Variants in DLL4 observed in about 807,000 individuals in gnomAD.
DLL4 encodes delta-like protein 4.
Under a neutral mutation model 73.6 loss-of-function variants are expected in DLL4, and 7 were observed. The ratio of observed to expected loss-of-function variants is 0.10; its 90% CI spans 0.05 to 0.18. The LOEUF (loss-of-function observed/expected upper bound fraction) is 0.18. Ranked by LOEUF, DLL4 falls within the 10% of genes least tolerant of loss-of-function variation. The probability of loss-of-function intolerance (pLI) is 1.00; values close to 1 mark genes in which losing one functional copy is unlikely to be tolerated. For synonymous variants in DLL4, 345 were observed against 374.3 expected (o/e 0.92, Z 0.90); for missense variants, 614 against 929.9 (o/e 0.66, Z 4.42).
rs1205403213 is a variant in DLL4, at chr15:40,938,843, C to T, written c.*809C>T. 1 of 152,612 alleles carries T rather than the reference C, an allele frequency of 6.6e-6. No homozygotes were observed. Among genetic ancestry groups the T allele is most frequent in the Admixed American group, 6.5e-5 (1 of 15,288 alleles). 9.5% of individuals were successfully genotyped at this position (152,612 alleles called of 1,614,324 possible). A position where few individuals can be genotyped will look rare whatever the true frequency, so the allele number is the denominator to read the frequency against. ...CCCTTTCCTCCCTCAAGCCCATCTCCACAACCTCGAGCCTGGGCTCTGGTC... is the reference window on the plus strand; with the variant it reads ...CCCTTTCCTCCCTCAAGCCCATCTCTACAACCTCGAGCCTGGGCTCTGGTC... On this transcript the variant is annotated 3_prime_UTR_variant, in exon 11 of 11. Coordinates refer to ENST00000249749, the MANE Select transcript of DLL4 (RefSeq NM_019074.4).
At chr15:40,931,204 T>C (rs1892765295) in intron 3 of DLL4, 1 of 480,922 alleles carries the variant, frequency 2.1e-6, no homozygotes, top group Non-Finnish European at 3.7e-6. Context: ...CATTTTGACC[T>C]CTTTTCCTCT....
chr15:40,935,103 A>G lies in DLL4; in HGVS notation c.1226A>G (p.Asn409Ser). Residue 409 changes from asparagine (N) to serine (S), a missense_variant, in exon 8 of 11, where the codon AAC becomes AGC. Asn to Ser is a conservative substitution (Grantham distance 46, BLOSUM62 1). Around this residue, in one of 3 missense-constraint regions of DLL4, gnomAD observed 386 missense variants for 541.3 expected, o/e 0.71. Transcript: ENST00000249749. Reference protein sequence around the residue: ...CEKKVDRCTSNPCANGGQCLN... With the variant: ...CEKKVDRCTSSPCANGGQCLN... The stretch of plus-strand genomic sequence containing the variant: ...AAGAAAGTGGACAGGTGCACCAGCA[A>G]CCCCTGTGCCAACGGTGCGTGCTGC... 1 of 1,612,494 alleles carries G rather than the reference A, an allele frequency of 6.2e-7. No individual in the cohort carries two copies. Among genetic ancestry groups the G allele is most frequent in the South Asian group, 1.1e-5 (1 of 91,072 alleles).
intron 6 of DLL4, among the ~76,000 whole-genome samples, chr15:40,933,267 G>A (rs1269643934): frequency 8.0e-6 from 1 of 124,684 alleles, no homozygotes; most frequent in African/African-American, 2.9e-5. Flanking sequence ...CAGTCCCTGT[G>A]TTGTGTGTGT....
intron 6 of DLL4, among the ~76,000 whole-genome samples, chr15:40,932,910 C>T (rs746361503): frequency 2.0e-5 from 3 of 152,198 alleles, no homozygotes; most frequent in Non-Finnish European, 2.9e-5. Flanking sequence ...GGCCTCTGGG[C>T]GGAGTGGCAT....
chr15:40,938,262 G>C lies in DLL4; in HGVS notation c.*228G>C. 1 of 436,346 alleles carries C rather than the reference G, an allele frequency of 2.3e-6. No homozygotes were observed. Among genetic ancestry groups the C allele is most frequent in the Non-Finnish European group, 4.0e-6 (1 of 249,402 alleles). 27.0% of individuals were successfully genotyped at this position (436,346 alleles called of 1,614,324 possible). ...CAGATTGGCAGCTGCACCAACCAGA[G>C]GAACAGAAGAGAAGAGAGATGCCAC... On this transcript the variant is annotated 3_prime_UTR_variant, in exon 11 of 11. Coordinates refer to ENST00000249749, the MANE Select transcript of DLL4 (RefSeq NM_019074.4).
rs1248890109 is a variant in DLL4, at chr15:40,934,971, G to A, written c.1094G>A (p.Ser365Asn). The change falls in exon 8 of 11, where the codon AGC becomes AAC. Residue 365 changes from serine to asparagine, a missense_variant. Ser to Asn is a conservative substitution (Grantham distance 46, BLOSUM62 1). Transcript: ENST00000249749. Reference sequence around the variant, plus strand: ...CTGCATTGTGAACACAGCACCTTGAGCTGCGCCGACTCCCCCTGCTTCAAT... The same window carrying A: ...CTGCATTGTGAACACAGCACCTTGAACTGCGCCGACTCCCCCTGCTTCAAT... ...YGLHCEHSTL[S>N]CADSPCFNGG... The A allele has an allele frequency of 1.2e-6, 2 of 1,613,716 alleles. No individual in the cohort carries two copies. Among genetic ancestry groups the A allele is most frequent in the Admixed American group, 1.7e-5 (1 of 60,030 alleles).
At chr15:40,937,343 T>C in intron 9 of DLL4, 75 bp from the exon 10 acceptor site, 3 of 1,029,762 alleles carry the variant, frequency 2.9e-6, no homozygotes, top group Non-Finnish European at 4.6e-6. Context: ...AGATGCCCTT[T>C]GGCTCTCCAG....
Position 40,937,521 on chromosome 15 carries a change from A to G in DLL4, c.2047A>G (p.Thr683Ala). The stretch of plus-strand genomic sequence containing the variant: ...GGAGAGGAATGAATGTGTCATTGCC[A>G]CGGAGGTGAGTGCTGGGCTCGCCTT... ...SEERNECVIA[T>A]EV is the part of the protein sequence containing the mutation. Residue 683 changes from threonine (T) to alanine (A), a missense_variant, in exon 10 of 11, where the codon ACG becomes GCG. Around this residue, in one of 3 missense-constraint regions of DLL4, gnomAD observed 386 missense variants for 541.3 expected, o/e 0.71. Transcript: ENST00000249749. 1.2e-6 allele frequency: 2 copies of G among 1,606,888 alleles called. No homozygotes were observed. Among genetic ancestry groups the G allele is most frequent in the Non-Finnish European group, 1.7e-6 (2 of 1,173,366 alleles).
At chr15:40,937,572 A>T in intron 10 of DLL4, 46 bp downstream of exon 10, 1 of 1,395,508 alleles carries the variant, frequency 7.2e-7, no homozygotes, top group South Asian at 1.2e-5. Context: ...TGGGAGGGAA[A>T]GTGGCCTGGT....
chr15:40,938,655 G>GTCTACCCGGCTTCCACCACCCTC lies in DLL4; in HGVS notation c.*623_*645dup, dbSNP rs1892878194. On this transcript the variant is annotated 3_prime_UTR_variant, in exon 11 of 11. Transcript: ENST00000249749. ...CTAGGCCCTTTGGGCAAGAATGTCC[G>GTCTACCCGGCTTCCACCACCCTC]TCTACCCGGCTTCCACCACCCTCTG... 6.6e-6 allele frequency: 1 copy of GTCTACCCGGCTTCCACCACCCTC among 152,586 alleles called. No homozygotes were observed. Among genetic ancestry groups the GTCTACCCGGCTTCCACCACCCTC allele is most frequent in the Admixed American group, 6.5e-5 (1 of 15,290 alleles). 9.5% of individuals were successfully genotyped at this position (152,586 alleles called of 1,614,324 possible).
At chr15:40,934,008 T>C (rs1394936661) in intron 6 of DLL4, among the ~76,000 whole-genome samples, 2 of 92,284 alleles carry the variant, frequency 2.2e-5, no homozygotes, top group African/African-American at 4.5e-5. Context: ...AGAGCAAGAC[T>C]CCGTCTCAAA....
At chr15:40,934,838 T>A in intron 7 of DLL4, 60 bp from the exon 8 acceptor site, 1 of 1,589,520 alleles carries the variant, frequency 6.3e-7, no homozygotes, top group Admixed American at 1.7e-5. Context: ...AGCCCAGCCT[T>A]CAGTCACACA....
intron 6 of DLL4, among the ~76,000 whole-genome samples, chr15:40,934,034 A>T (rs1325137006): frequency 1.3e-5 from 2 of 150,774 alleles, no homozygotes; most frequent in Non-Finnish European, 3.0e-5. Context: ...AAAAAAAAAA[A>T]AAAAAAAGAA....
intron 4 of DLL4, among the ~76,000 whole-genome samples, 168 bp from the exon 5 acceptor site, chr15:40,932,003 C>G (rs1465376645): frequency 6.6e-6 from 1 of 152,234 alleles, no homozygotes; most frequent in East Asian, 1.9e-4. Flanking sequence ...TTTGGCTTCT[C>G]CTTCCCTGTG....
In DLL4 at chr15:40,936,340, C is replaced by T. The variant is rs368013738; in HGVS notation, c.1353C>T (p.His451=). 3.4e-5 allele frequency: 55 copies of T among 1,610,008 alleles called. No individual in the cohort carries two copies. The highest frequency in any genetic ancestry group is 1.3e-4 in the Admixed American group (8 of 59,560). ...ACTGTGCCCGTAACCCTTGCGCCCA[C>T]GGTGGCACTTGCCATGACCTGGAGA... ...VSDCARNPCA[H]GGTCHDLENG... is the part of the protein sequence containing the mutation. Residue 451 remains histidine, a synonymous_variant, in exon 9 of 11, where the codon CAC becomes CAT. Coordinates refer to ENST00000249749, the MANE Select transcript of DLL4 (RefSeq NM_019074.4).
chr15:40,937,380 C>G, intron 9 of DLL4, 38 bp from the exon 10 acceptor site: 1 of 1,455,552 alleles, frequency 6.9e-7, no homozygotes, highest in East Asian at 2.3e-5. Context: ...AAGCCTCTCC[C>G]CGTCCCTCCC....
chr15:40,934,783 C>T (rs1189667773), intron 7 of DLL4, 66 bp downstream of exon 7: 2 of 1,589,190 alleles, frequency 1.3e-6, no homozygotes, highest in East Asian at 4.5e-5. Context: ...CTAACCTAGG[C>T]AGTTAGTGGA....
chr15:40,931,021 C>T (rs80067159), intron 3 of DLL4: 5,997 of 457,914 alleles, frequency 0.013, 267 homozygotes, highest in African/African-American at 0.11. Context: ...GGATGTTGTT[C>T]TGACACAGAG....
chr15:40,937,853 A>G (rs766669670), intron 10 of DLL4, among the ~76,000 whole-genome samples, 176 bp from the exon 11 acceptor site: 7 of 152,016 alleles, frequency 4.6e-5, no homozygotes, highest in Non-Finnish European at 1.0e-4. Context: ...CATTGACCTC[A>G]TGAGCGCAAG....
Sources: gnomAD v4.1 joint callset for allele counts (sites outside exome capture counted in the v4.1 genomes callset) on GRCh38, gnomAD v4.1.1 for gene constraint, gnomAD v4.1.1 regional missense constraint, MANE v1.5 for transcripts, NCBI Gene and HGNC (gene_info 2026-07-23, HGNC 2026-07-21) for gene names.